COLEC10: variants seen among roughly 807,000 people sequenced by gnomAD.
COLEC10 encodes the protein collectin subfamily member 10, also known as collectin-10.
COLEC10 carries 22 observed loss-of-function variants against 28.4 expected under a neutral mutation model. The ratio of observed to expected loss-of-function variants is 0.78; its 90% CI spans 0.55 to 1.11. COLEC10 has a LOEUF of 1.11. Among genes scored for constraint, COLEC10 ranks in the 50% least tolerant of loss-of-function variants. The probability of loss-of-function intolerance (pLI) is 0.00; values close to 1 mark genes in which losing one functional copy is unlikely to be tolerated. For synonymous variants in COLEC10, 125 were observed against 116.1 expected, an observed-to-expected ratio of 1.08 and a Z score of -0.49; for missense variants, 361 against 344.1, an observed-to-expected ratio of 1.05 and a Z score of -0.39.
intron 2 of COLEC10, among the ~76,000 whole-genome samples, chr8:119,048,902 C>G (rs1221675201): frequency 6.6e-6 from 1 of 152,052 alleles, no homozygotes; most frequent in Non-Finnish European, 1.5e-5. Flanking sequence ...GTTATGCAGG[C>G]TTGATTATGT....
At chr8:119,089,264 T>C (rs1319998782) in intron 1 of COLEC10, among the ~76,000 whole-genome samples, 1 of 152,130 alleles carries the variant, frequency 6.6e-6, no homozygotes, top group East Asian at 1.9e-4. Flanking sequence ...TCCTAGGTCA[T>C]GCCTACAATT....
rs1376043956 is a variant in COLEC10, at chr8:119,107,545, G to A, written c.*1354G>A. On this transcript the variant is annotated 3_prime_UTR_variant, in exon 6 of 6. Transcript: ENST00000332843. Reference sequence around the variant, plus strand: ...TAAGAGAAACAGATCAACAACATATGTTCACCTTAAACCATCTGTTCATGA... The same window carrying A: ...TAAGAGAAACAGATCAACAACATATATTCACCTTAAACCATCTGTTCATGA... Among the ~76,000 whole-genome samples, 2 of 152,174 alleles carry A rather than the reference G, an allele frequency of 1.3e-5. No individual in the cohort carries two copies. The highest frequency in any genetic ancestry group is 2.9e-5 in the Non-Finnish European group (2 of 68,040).
intron 2 of COLEC10, among the ~76,000 whole-genome samples, chr8:119,033,557 C>T (rs1304722170): frequency 6.6e-6 from 1 of 152,006 alleles, no homozygotes; most frequent in Non-Finnish European, 1.5e-5. Context: ...CAAGAAAAAA[C>T]AATCCCATCA....
intron 2 of COLEC10, among the ~76,000 whole-genome samples, chr8:119,038,571 G>A (rs1245722420): frequency 6.6e-6 from 1 of 152,168 alleles, no homozygotes; most frequent in African/African-American, 2.4e-5. Flanking sequence ...AAACACAAAA[G>A]TTGATATGCA....
Position 119,067,395 on chromosome 8 carries a change from C to A in COLEC10, c.114C>A (p.Val38=). The A allele has an allele frequency of 6.2e-7, 1 of 1,613,980 alleles. No individual in the cohort carries two copies. ...LDIDSRPTAE[V]CATHTISPGP... is the part of the protein sequence containing the mutation. ...TTGATAGCCGTCCTACCGCTGAAGTCTGTGCCACACACACAATTTCACCAG... is the reference window on the plus strand; with the variant it reads ...TTGATAGCCGTCCTACCGCTGAAGTATGTGCCACACACACAATTTCACCAG... Residue 38 remains valine, a synonymous_variant, in exon 1 of 6, where the codon GTC becomes GTA. Transcript: ENST00000332843.
intron 3 of COLEC10, among the ~76,000 whole-genome samples, chr8:119,101,497 C>T (rs1164125098): frequency 6.6e-6 from 1 of 151,994 alleles, no homozygotes; most frequent in East Asian, 1.9e-4. Context: ...TTTAAAAATC[C>T]TGCTTCTCTG....
chr8:119,080,696 T>G (rs780882674), intron 1 of COLEC10, among the ~76,000 whole-genome samples: 1 of 152,134 alleles, frequency 6.6e-6, no homozygotes, highest in Non-Finnish European at 1.5e-5. Context: ...ATGTATAAAA[T>G]GAAGATGTAA....
chr8:119,001,662 C>A (rs1813702360), intron 1 of COLEC10, among the ~76,000 whole-genome samples: 1 of 152,090 alleles, frequency 6.6e-6, no homozygotes, highest in Admixed American at 6.6e-5. Context: ...TGATATCAAA[C>A]CTGGTTCTCG....
At chr8:119,008,180 A>G (rs1343272955) in intron 1 of COLEC10, among the ~76,000 whole-genome samples, 2 of 150,982 alleles carry the variant, frequency 1.3e-5, no homozygotes, top group East Asian at 3.9e-4. Context: ...GTGTAATGCC[A>G]TAATTTTTTC....
chr8:118,955,977 G>A, the COLEC10 span, among the ~76,000 whole-genome samples: 24 of 152,278 alleles, frequency 1.6e-4, no homozygotes, highest in Admixed American at 8.5e-4. Flanking sequence ...ATCATAAACT[G>A]GGTGTCAAAT....
Position 119,028,140 on chromosome 8 carries a change from G to T in COLEC10, n.235+18587G>T, listed in dbSNP as rs139076824. ...CCCCCATTTAGTACAAGGTCCTCAG[G>T]AGAAGGAGCCTTGTCTTATACATCT... On this transcript the variant is annotated intron_variant and non_coding_transcript_variant, in intron 2 of 6. Coordinates refer to the COLEC10 transcript ENST00000521788. 4.6e-5 allele frequency among the ~76,000 whole-genome samples: 7 copies of T among 152,244 alleles called. No homozygotes were observed. The East Asian group carries it at 1.4e-3, about 29-fold the overall frequency.
chr8:118,994,272 G>C (rs1813555621), upstream of COLEC10, among the ~76,000 whole-genome samples: 1 of 152,138 alleles, frequency 6.6e-6, no homozygotes, highest in Non-Finnish European at 1.5e-5. Flanking sequence ...CAGTTTACCT[G>C]TGAAGTGGAA....
intron 2 of COLEC10, among the ~76,000 whole-genome samples, chr8:119,050,291 G>T (rs974696371): frequency 1.3e-5 from 2 of 152,080 alleles, no homozygotes; most frequent in South Asian, 2.1e-4. Flanking sequence ...ACTTTAGTAG[G>T]TTCCTGAATG....
At chr8:119,010,135 C>A (rs1332248966) in intron 2 of COLEC10, among the ~76,000 whole-genome samples, 1 of 150,646 alleles carries the variant, frequency 6.6e-6, no homozygotes, top group African/African-American at 2.5e-5. Flanking sequence ...AGAATAGTTC[C>A]CCTGACTTAA....
chr8:119,027,450 C>T (rs1036372779), intron 2 of COLEC10, among the ~76,000 whole-genome samples: 1 of 151,884 alleles, frequency 6.6e-6, no homozygotes, highest in Non-Finnish European at 1.5e-5. Flanking sequence ...TTCTTTCTTC[C>T]TTCCAAATAA....
rs148759369 is a variant in COLEC10, at chr8:119,088,272, C to G, written c.149-1408C>G. 5.3e-5 allele frequency among the ~76,000 whole-genome samples: 8 copies of G among 152,044 alleles called. No individual in the cohort carries two copies. In the East Asian group the frequency reaches 1.5e-3, roughly 29 times the overall value. On this transcript the variant is annotated intron_variant, in intron 1 of 5. Transcript: ENST00000332843. ...GAAAGAAAGAAGAAGAAAAAAATTT[C>G]ATCTAGTTCACTCAATTCTTACCTC...
the COLEC10 span, among the ~76,000 whole-genome samples, chr8:118,962,034 A>T: frequency 6.6e-6 from 1 of 152,190 alleles, no homozygotes; most frequent in Non-Finnish European, 1.5e-5. Context: ...ATGACCTAAA[A>T]GCCAACACTC....
At chr8:118,989,534 TACACACACACACACACACACACAC>T in the COLEC10 span, among the ~76,000 whole-genome samples, 4 of 128,660 alleles carry the variant, frequency 3.1e-5, no homozygotes, top group Non-Finnish European at 6.7e-5. Context: ...ACAGACAAAA[TACACACACACACACACACACACAC>T]ACACACACAC....
chr8:119,040,093 C>T (rs1213898425), intron 2 of COLEC10, among the ~76,000 whole-genome samples: 2 of 152,064 alleles, frequency 1.3e-5, no homozygotes, highest in African/African-American at 4.8e-5. Flanking sequence ...GGTTAGTGGA[C>T]CCCGTAAAGA....
Sources: allele counts gnomAD v4.1 joint callset (sites outside exome capture counted in the v4.1 genomes callset), GRCh38; gene constraint gnomAD v4.1.1; transcripts MANE v1.5; gene names NCBI Gene and HGNC (gene_info 2026-07-23, HGNC 2026-07-21).